Variants in HOXC13 observed in about 807,000 individuals in gnomAD.
HOXC13 encodes homeobox C13.
HOXC13 carries 10 observed loss-of-function variants against 25.9 expected under a neutral mutation model. The ratio of observed to expected loss-of-function variants is 0.39; its 90% confidence interval spans 0.24 to 0.65. The LOEUF (loss-of-function observed/expected upper bound fraction) is 0.65. HOXC13 is among the 30% of genes least tolerant of loss of function. The pLI, the probability that HOXC13 is intolerant of heterozygous loss-of-function variation, is 0.50. For synonymous variants in HOXC13, 233 were observed against 217.1 expected, an observed-to-expected ratio of 1.07 and a Z score of -0.64; for missense variants, 439 against 478.3, an observed-to-expected ratio of 0.92 and a Z score of 0.77.
chr12:53,939,011 A>C lies in HOXC13; in HGVS notation c.105A>C (p.Gly35=). ...ESGIGGGGGG[G]GGGTGGAGGG... Reference sequence around the variant, plus strand: ...GCATCGGCGGCGGCGGCGGAGGAGGAGGCGGCGGCACGGGCGGAGCGGGGG... The same window carrying C: ...GCATCGGCGGCGGCGGCGGAGGAGGCGGCGGCGGCACGGGCGGAGCGGGGG... Residue 35 remains glycine (G), a synonymous_variant, in exon 1 of 2, where the codon GGA becomes GGC. Coordinates refer to ENST00000243056, the MANE Select transcript of HOXC13 (RefSeq NM_017410.3). The surrounding 1 kb of genome is among the most constrained non-coding windows in gnomAD (Gnocchi z 6.7). 4 of 1,490,770 alleles carry C rather than the reference A, an allele frequency of 2.7e-6. No homozygotes were observed. The highest frequency in any genetic ancestry group is 2.8e-5 in the East Asian group (1 of 35,966). The allele number at this position is 1,490,770 out of a possible 1,614,324, so 92.3% of individuals were successfully genotyped here.
At chr12:53,940,968 T>C (rs1428376516) in intron 1 of HOXC13, among the ~76,000 whole-genome samples, 2 of 152,174 alleles carry the variant, frequency 1.3e-5, no homozygotes, top group African/African-American at 4.8e-5. Flanking sequence ...TACTGAGTGA[T>C]ATTAGAGAGT....
intron 1 of HOXC13, among the ~76,000 whole-genome samples, chr12:53,942,667 T>G: frequency 6.6e-6 from 1 of 152,168 alleles, no homozygotes; most frequent in East Asian, 1.9e-4. Flanking sequence ...TACCAGATGT[T>G]TCTTCATCTC....
At position 53,939,056 on chromosome 12, in the gene HOXC13, C is replaced by G; in HGVS notation, c.150C>G (p.Ser50Arg). The stretch of plus-strand genomic sequence containing the variant: ...CGGGGGGTGGCTGCAGCGGAGCGAG[C>G]CCCGGCAAAGCCCCGAGCATGGATG... ...GGAGGGCSGA[S>R]PGKAPSMDGL... Residue 50 changes from serine to arginine, a missense_variant, in exon 1 of 2, where the codon AGC becomes AGG. Transcript: ENST00000243056. The surrounding 1 kb of genome is among the most constrained non-coding windows in gnomAD (Gnocchi z 6.7). 6.9e-7 allele frequency: 1 copy of G among 1,439,006 alleles called. No homozygotes were observed. Among genetic ancestry groups the G allele is most frequent in the Non-Finnish European group, 9.0e-7 (1 of 1,106,226 alleles). 89.1% of individuals were successfully genotyped at this position (1,439,006 alleles called of 1,614,324 possible). A position where few individuals can be genotyped will look rare whatever the true frequency, so the allele number is the denominator to read the frequency against.
Position 53,945,650 on chromosome 12 carries a change from A to G in HOXC13, c.*394A>G. Reference sequence around the variant, plus strand: ...ATGGCCCCAATTCTTGCCTCATCCTATGACCAGGCTTTTAGAGGACCTTCC... The same window carrying G: ...ATGGCCCCAATTCTTGCCTCATCCTGTGACCAGGCTTTTAGAGGACCTTCC... On this transcript the variant is annotated 3_prime_UTR_variant, in exon 2 of 2. Transcript: ENST00000243056. The surrounding 1 kb of genome is among the most constrained non-coding windows in gnomAD (Gnocchi z 4.4). The G allele has an allele frequency of 3.2e-6, 1 of 313,166 alleles. No individual in the cohort carries two copies. Among genetic ancestry groups the G allele is most frequent in the Non-Finnish European group, 6.0e-6 (1 of 166,428 alleles). 19.4% of individuals were successfully genotyped at this position (313,166 alleles called of 1,614,324 possible). A position where few individuals can be genotyped will look rare whatever the true frequency, so the allele number is the denominator to read the frequency against.
chr12:53,945,075 A>G lies in HOXC13; in HGVS notation c.812A>G (p.Gln271Arg), dbSNP rs1383255506. 1 of 1,614,162 alleles carries G rather than the reference A, an allele frequency of 6.2e-7. No individual in the cohort carries two copies. Among genetic ancestry groups the G allele is most frequent in the Admixed American group, 1.7e-5 (1 of 60,022 alleles). ...AAACGCGTGCCCTACACTAAGGTGC[A>G]GCTGAAGGAGCTAGAGAAGGAATAC... ...RKKRVPYTKV[Q>R]LKELEKEYAA... The change falls in exon 2 of 2, where the codon CAG becomes CGG. Residue 271 changes from glutamine to arginine, a missense_variant. Coordinates refer to ENST00000243056, the MANE Select transcript of HOXC13 (RefSeq NM_017410.3). This position sits in a 1 kb window ranked among gnomAD's most constrained non-coding sequence, Gnocchi z 4.4.
chr12:53,945,952 C>T lies in HOXC13; in HGVS notation c.*696C>T. ...GGGCCAGGTGGGAGCTGCCTTTGCC[C>T]CACTGCCTCCCCTGTTCTGCTCTCT... On this transcript the variant is annotated 3_prime_UTR_variant, in exon 2 of 2. Coordinates refer to ENST00000243056, the MANE Select transcript of HOXC13 (RefSeq NM_017410.3). This position sits in a 1 kb window ranked among gnomAD's most constrained non-coding sequence, Gnocchi z 4.4. 4.3e-6 allele frequency: 1 copy of T among 232,310 alleles called. No homozygotes were observed. The highest frequency in any genetic ancestry group is 8.5e-6 in the Non-Finnish European group (1 of 117,626). The allele number at this position is 232,310 out of a possible 1,614,324, so 14.4% of individuals were successfully genotyped here.
At position 53,938,962 on chromosome 12, in the gene HOXC13, A is replaced by C. The variant is rs1406878109; in HGVS notation, c.56A>C (p.Tyr19Ser). 1 of 1,546,938 alleles carries C rather than the reference A, an allele frequency of 6.5e-7. No individual in the cohort carries two copies. The highest frequency in any genetic ancestry group is 8.7e-7 in the Non-Finnish European group (1 of 1,152,860). The change falls in exon 1 of 2, where the codon TAT becomes TCT. Residue 19 changes from tyrosine (Y) to serine (S), a missense_variant. Physicochemically the swap from Tyr to Ser is moderately radical, Grantham distance 144 (BLOSUM62 -2). Coordinates refer to ENST00000243056, the MANE Select transcript of HOXC13 (RefSeq NM_017410.3). ...TGGCCGGAGAGCCTTATGTACGTCTATGAGGACAGCGCGGCGGAGAGCGGC... is the reference window on the plus strand; with the variant it reads ...TGGCCGGAGAGCCTTATGTACGTCTCTGAGGACAGCGCGGCGGAGAGCGGC... The part of the protein sequence containing the change: ...PRWPESLMYV[Y>S]EDSAAESGIG...
In HOXC13 at chr12:53,939,361, A is replaced by G. The variant is rs751660686; in HGVS notation, c.455A>G (p.Lys152Arg). The change falls in exon 1 of 2, where the codon AAA (lysine) becomes AGA (arginine). Residue 152 changes from lysine (K) to arginine (R), a missense_variant. By Grantham distance (26) the Lys-to-Arg change is conservative. Coordinates refer to ENST00000243056, the MANE Select transcript of HOXC13 (RefSeq NM_017410.3). This position sits in a 1 kb window ranked among gnomAD's most constrained non-coding sequence, Gnocchi z 6.7. ...QKPCAYHPGD[K>R]YPEPSGALPG... ...CCTTGCGCCTACCACCCGGGCGATA[A>G]ATACCCGGAGCCGTCGGGCGCCCTG... The G allele has an allele frequency of 6.2e-7, 1 of 1,606,386 alleles. No individual in the cohort carries two copies. Among genetic ancestry groups the G allele is most frequent in the South Asian group, 1.1e-5 (1 of 89,946 alleles).
chr12:53,939,747 C>A lies in HOXC13; in HGVS notation c.736+105C>A. ...CCCCCGCCGTCTGGCCCCGGCGCGC[C>A]CGCTCGGCTGGGCTGCCTATGGAGC... On this transcript the variant is annotated intron_variant, in intron 1 of 1. Transcript: ENST00000243056. This position sits in a 1 kb window ranked among gnomAD's most constrained non-coding sequence, Gnocchi z 6.7. The A allele has an allele frequency of 8.1e-7, 1 of 1,234,054 alleles. No homozygotes were observed. The highest frequency in any genetic ancestry group is 3.8e-5 in the South Asian group (1 of 26,048). The allele number at this position is 1,234,054 out of a possible 1,614,324, so 76.4% of individuals were successfully genotyped here.
intron 1 of HOXC13, among the ~76,000 whole-genome samples, chr12:53,942,559 A>G (rs1048118829): frequency 6.6e-6 from 1 of 152,140 alleles, no homozygotes; most frequent in African/African-American, 2.4e-5. Flanking sequence ...TCATTCGTGT[A>G]TGTGATCTGG....
rs1230763446 is a variant in HOXC13 at position 53,939,381 on chromosome 12, G to T, written c.475G>T (p.Ala159Ser). 5 of 1,605,744 alleles carry T rather than the reference G, an allele frequency of 3.1e-6. No homozygotes were observed. Among genetic ancestry groups the T allele is most frequent in the Admixed American group, 1.7e-5 (1 of 59,268 alleles). The change falls in exon 1 of 2, where the codon GCC becomes TCC. Residue 159 changes from alanine to serine, a missense_variant. Coordinates refer to ENST00000243056, the MANE Select transcript of HOXC13 (RefSeq NM_017410.3). The surrounding 1 kb of genome is among the most constrained non-coding windows in gnomAD (Gnocchi z 6.7). ...PGDKYPEPSG[A>S]LPGDDLSSRA... Reference sequence around the variant, plus strand: ...CGATAAATACCCGGAGCCGTCGGGCGCCCTGCCCGGTGACGACCTGTCCTC... The same window carrying T: ...CGATAAATACCCGGAGCCGTCGGGCTCCCTGCCCGGTGACGACCTGTCCTC...
Position 53,946,530 on chromosome 12 carries a change from C to A in HOXC13, c.*1274C>A, listed in dbSNP as rs370027588. The A allele has an allele frequency of 1.2e-4, 23 of 187,310 alleles. No individual in the cohort carries two copies. Among genetic ancestry groups the A allele is most frequent in the East Asian group, 6.0e-4 (7 of 11,626 alleles). The allele number at this position is 187,310 out of a possible 1,614,324, so 11.6% of individuals were successfully genotyped here. On this transcript the variant is annotated 3_prime_UTR_variant, in exon 2 of 2. Coordinates refer to ENST00000243056, the MANE Select transcript of HOXC13 (RefSeq NM_017410.3). ...CAAACATGTTTTTAAAATAAAATAT[C>A]TTTTTTTGCCTTGATTTTATTGCTC...
intron 1 of HOXC13, among the ~76,000 whole-genome samples, chr12:53,941,358 G>T (rs575678127): frequency 4.9e-4 from 75 of 152,352 alleles, no homozygotes; most frequent in South Asian, 2.3e-3. Context: ...TATGCCAAGG[G>T]GCTAAGGGGT....
At position 53,944,993 on chromosome 12, in the gene HOXC13, C is replaced by T. The variant is rs1456916865; in HGVS notation, c.737-7C>T. 6.2e-7 allele frequency: 1 copy of T among 1,613,038 alleles called. No individual in the cohort carries two copies. Among genetic ancestry groups the T allele is most frequent in the Admixed American group, 1.7e-5 (1 of 60,024 alleles). Reference sequence around the variant, plus strand: ...CACTTCTTCCCGCTTGCCTTATCTCCCCGCAGACGTGGTTCCCCTGCAGCC... The same window carrying T: ...CACTTCTTCCCGCTTGCCTTATCTCTCCGCAGACGTGGTTCCCCTGCAGCC... On this transcript the variant is annotated splice_polypyrimidine_tract_variant and splice_region_variant and intron_variant, in intron 1 of 1. Coordinates refer to ENST00000243056, the MANE Select transcript of HOXC13 (RefSeq NM_017410.3).
At chr12:53,942,981 T>A (rs982818275) in intron 1 of HOXC13, among the ~76,000 whole-genome samples, 2 of 152,176 alleles carry the variant, frequency 1.3e-5, no homozygotes, top group Non-Finnish European at 2.9e-5. Context: ...AAGTAAAAAA[T>A]TAGGGACAAT....
chr12:53,944,336 A>G (rs1938655701), intron 1 of HOXC13, among the ~76,000 whole-genome samples: 2 of 152,076 alleles, frequency 1.3e-5, no homozygotes, highest in South Asian at 4.1e-4. Flanking sequence ...CTTATCTTCT[A>G]TCTGTGCCTC....
At chr12:53,940,112 A>G (rs1461756273) in intron 1 of HOXC13, among the ~76,000 whole-genome samples, 1 of 152,244 alleles carries the variant, frequency 6.6e-6, no homozygotes, top group Non-Finnish European at 1.5e-5. Flanking sequence ...TTCAGGCACT[A>G]GACAGTATTT....
chr12:53,943,920 C>A (rs1488891359), intron 1 of HOXC13, among the ~76,000 whole-genome samples: 1 of 152,192 alleles, frequency 6.6e-6, no homozygotes, highest in Non-Finnish European at 1.5e-5. Flanking sequence ...TCCCCCACTT[C>A]CCCTTGAAAG....
rs1019891218 is a variant in HOXC13 at position 53,939,810 on chromosome 12, G to A, written c.736+168G>A. ...CTGCACTGAGGAATGCGCCGGGGAA[G>A]AAATCTGCTCCGACACGTTCTCTGT... is the stretch of plus-strand genomic sequence containing the variant. On this transcript the variant is annotated intron_variant, in intron 1 of 1. Coordinates refer to ENST00000243056, the MANE Select transcript of HOXC13 (RefSeq NM_017410.3). This position sits in a 1 kb window ranked among gnomAD's most constrained non-coding sequence, Gnocchi z 6.7. 6.6e-6 allele frequency among the ~76,000 whole-genome samples: 1 copy of A among 152,220 alleles called. No individual in the cohort carries two copies. The highest frequency in any genetic ancestry group is 1.5e-5 in the Non-Finnish European group (1 of 68,028).
Sources: allele counts gnomAD v4.1 joint callset (sites outside exome capture counted in the v4.1 genomes callset), GRCh38; gene constraint gnomAD v4.1.1; non-coding constraint Gnocchi (gnomAD v3.1); transcripts MANE v1.5; gene names NCBI Gene and HGNC (gene_info 2026-07-23, HGNC 2026-07-21).